The following FCHO2 variants were observed in gnomAD, a reference collection of about 807,000 sequenced individuals.
The protein encoded by FCHO2 is FCH and mu domain containing endocytic adaptor 2.
A neutral mutation model predicts 114.1 loss-of-function variants in FCHO2; 43 were observed. The observed-to-expected ratio is 0.38, with a 90% confidence interval of 0.30 to 0.49. FCHO2 has a LOEUF of 0.49. Among genes scored for constraint, FCHO2 ranks in the 20% least tolerant of loss-of-function variants. The probability of loss-of-function intolerance (pLI) is 0.97; values close to 1 mark genes in which losing one functional copy is unlikely to be tolerated. For synonymous variants in FCHO2, 293 were observed against 315.2 expected, an observed-to-expected ratio of 0.93 and a Z score of 0.75; for missense variants, 807 against 950.4, an observed-to-expected ratio of 0.85 and a Z score of 1.98.
intron 8 of FCHO2, chr5:73,020,662 T>A: frequency 9.5e-7 from 1 of 1,053,524 alleles, no homozygotes; most frequent in Non-Finnish European, 1.5e-6. Flanking sequence ...AGTTATTAAA[T>A]ACTAGACCGC....
intron 7 of FCHO2, among the ~76,000 whole-genome samples, chr5:73,016,265 A>C (rs1755303686): frequency 1.3e-5 from 2 of 152,020 alleles, no homozygotes; most frequent in African/African-American, 4.8e-5. Context: ...CCTGGGCAAC[A>C]TAGGGAGACC....
At chr5:73,000,830 A>G (rs1186426682) in intron 5 of FCHO2, among the ~76,000 whole-genome samples, 1 of 151,944 alleles carries the variant, frequency 6.6e-6, no homozygotes, top group African/African-American at 2.4e-5. Flanking sequence ...CTGGTCTCAA[A>G]TTCCTAGTCT....
In FCHO2 at chr5:73,034,690, G is replaced by A. The variant is rs200528741; in HGVS notation, c.830G>A (p.Ser277Asn). ...GAATTTGAAGAATGTGACACTGCTA[G>A]TGCAGTTGAAGGTAAGTTGATTAGT... is the stretch of plus-strand genomic sequence containing the variant. ...LIEFEECDTA[S>N]AVEGIKPRKR... The change falls in exon 9 of 26, where the codon AGT (serine) becomes AAT (asparagine). Residue 277 changes from serine (S) to asparagine (N), a missense_variant. Ser to Asn is a conservative substitution (Grantham distance 46, BLOSUM62 1). Coordinates refer to ENST00000430046, the MANE Select transcript of FCHO2 (RefSeq NM_138782.3). 6.3e-7 allele frequency: 1 copy of A among 1,594,932 alleles called. No homozygotes were observed. Among genetic ancestry groups the A allele is most frequent in the African/African-American group, 1.4e-5 (1 of 74,062 alleles).
At chr5:73,004,005 A>G (rs1161964600) in intron 5 of FCHO2, among the ~76,000 whole-genome samples, 1 of 139,882 alleles carries the variant, frequency 7.1e-6, no homozygotes. Flanking sequence ...CCAAGATTGC[A>G]CCATTGCACT....
rs867017113 is a variant in FCHO2, at chr5:72,996,844, G to T, written c.495+5980G>T. ...TGCCGTTCCCCCTCCCGGCAACGGG[G>T]GGCTGGCGGAGCTGTGCCACGGGGG... On this transcript the variant is annotated intron_variant, in intron 5 of 25. Coordinates refer to ENST00000430046, the MANE Select transcript of FCHO2 (RefSeq NM_138782.3). The T allele has an allele frequency of 6.0e-5, 60 of 1,004,814 alleles. No homozygotes were observed. In the African/African-American group the frequency reaches 6.9e-4, roughly 12 times the overall value. 62.2% of individuals were successfully genotyped at this position (1,004,814 alleles called of 1,614,324 possible).
intron 8 of FCHO2, among the ~76,000 whole-genome samples, chr5:73,019,441 C>T (rs1181924639): frequency 1.3e-5 from 2 of 152,066 alleles, no homozygotes; most frequent in African/African-American, 4.8e-5. Context: ...ACTTGGGAGG[C>T]TGAGGCGGGA....
In FCHO2 at chr5:72,968,483, CTTTTTAAATT is replaced by C; in HGVS notation, c.34-12_34-3del. The C allele has an allele frequency of 6.8e-7, 1 of 1,477,264 alleles. No individual in the cohort carries two copies. The highest frequency in any genetic ancestry group is 9.0e-7 in the Non-Finnish European group (1 of 1,116,288). The allele number at this position is 1,477,264 out of a possible 1,614,324, so 91.5% of individuals were successfully genotyped here. ...TCTGTTTTTTTATGAAACTAAAAAT[CTTTTTAAATT>C]TTAGGGGGAAAAAAATAGTGGCTTT... On this transcript the variant is annotated splice_polypyrimidine_tract_variant and splice_region_variant and intron_variant, in intron 1 of 25. Coordinates refer to ENST00000430046, the MANE Select transcript of FCHO2 (RefSeq NM_138782.3).
chr5:72,970,283 A>G (rs1752449799), intron 2 of FCHO2, among the ~76,000 whole-genome samples: 1 of 152,250 alleles, frequency 6.6e-6, no homozygotes, highest in African/African-American at 2.4e-5. Context: ...ACAGGAGAAC[A>G]TAGAAACAAT....
intron 8 of FCHO2, among the ~76,000 whole-genome samples, chr5:73,020,212 GA>G (rs747485621): frequency 7.2e-5 from 11 of 152,200 alleles, no homozygotes; most frequent in Non-Finnish European, 1.3e-4. Flanking sequence ...GAGGCTTACT[GA>G]AAAGCAGAAA....
intron 19 of FCHO2, among the ~76,000 whole-genome samples, 178 bp from the exon 20 acceptor site, chr5:73,074,564 T>G (rs1007315441): frequency 2.0e-5 from 3 of 152,100 alleles, no homozygotes; most frequent in Non-Finnish European, 4.4e-5. Context: ...TTTTGTCCTT[T>G]GTATTAATGC....
chr5:73,077,370 T>A lies in FCHO2; in HGVS notation c.1724T>A (p.Met575Lys), dbSNP rs1275849185. 2 of 1,584,986 alleles carry A rather than the reference T, an allele frequency of 1.3e-6. No individual in the cohort carries two copies. The highest frequency in any genetic ancestry group is 1.7e-6 in the Non-Finnish European group (2 of 1,164,070). Residue 575 changes from methionine to lysine, a missense_variant, in exon 21 of 26, where the codon ATG becomes AAG. By Grantham distance (95) the Met-to-Lys change is moderately conservative. Transcript: ENST00000430046. ...GTGAAGATCACTGGTGATATGACAATGTCATTTCCAAGTGGAATTATTAAA... is the reference window on the plus strand; with the variant it reads ...GTGAAGATCACTGGTGATATGACAAAGTCATTTCCAAGTGGAATTATTAAA... ...CIVKITGDMT[M>K]SFPSGIIKVF...
chr5:72,996,940 G>T, intron 5 of FCHO2: 1 of 1,604,442 alleles, frequency 6.2e-7, no homozygotes, highest in South Asian at 1.1e-5. Flanking sequence ...CGCAGTGTCT[G>T]CTGGGGCTGC....
intron 20 of FCHO2, among the ~76,000 whole-genome samples, chr5:73,076,342 CA>C (rs773216351): frequency 4.6e-5 from 7 of 152,020 alleles, no homozygotes; most frequent in Non-Finnish European, 5.9e-5. Context: ...GCAGTTATTT[CA>C]GGATGTTTTG....
At chr5:73,044,923 T>C (rs1756983798) in intron 11 of FCHO2, among the ~76,000 whole-genome samples, 1 of 152,162 alleles carries the variant, frequency 6.6e-6, no homozygotes, top group South Asian at 2.1e-4. Context: ...AATATAGAAA[T>C]CATGGATTGA....
intron 19 of FCHO2, 45 bp from the exon 20 acceptor site, chr5:73,074,697 T>G: frequency 6.5e-7 from 1 of 1,528,126 alleles, no homozygotes; most frequent in South Asian, 1.2e-5. Flanking sequence ...ATATTTAATT[T>G]ATGTCTTTCT....
Position 73,082,791 on chromosome 5 carries a change from A to G in FCHO2, c.2211A>G (p.Lys737=), listed in dbSNP as rs762846981. Residue 737 remains lysine (K), a synonymous_variant, in exon 24 of 26, where the codon AAA becomes AAG. Transcript: ENST00000430046. Reference sequence around the variant, plus strand: ...CAGAACAAATGAAAGCCTTTTGGAAATTGTCTAGTATTTCAGAAAAATCAG... The same window carrying G: ...CAGAACAAATGAAAGCCTTTTGGAAGTTGTCTAGTATTTCAGAAAAATCAG... ...WNAEQMKAFW[K]LSSISEKSEN... 6.2e-7 allele frequency: 1 copy of G among 1,606,962 alleles called. No individual in the cohort carries two copies. The highest frequency in any genetic ancestry group is 2.2e-5 in the East Asian group (1 of 44,674).
chr5:72,957,030 A>G (rs1192186369), intron 1 of FCHO2, among the ~76,000 whole-genome samples: 1 of 152,000 alleles, frequency 6.6e-6, no homozygotes, highest in Non-Finnish European at 1.5e-5. Flanking sequence ...GTTGAGATTT[A>G]GACATATTTA....
chr5:73,054,586 T>C, intron 15 of FCHO2, 37 bp downstream of exon 15: 3 of 1,458,232 alleles, frequency 2.1e-6, no homozygotes, highest in Non-Finnish European at 2.8e-6. Flanking sequence ...TTTATGTCTA[T>C]TAAAATTTAT....
intron 2 of FCHO2, among the ~76,000 whole-genome samples, chr5:72,978,240 G>A (rs1039046859): frequency 6.6e-6 from 1 of 152,186 alleles, no homozygotes; most frequent in Admixed American, 6.5e-5. Context: ...CTATGCATGA[G>A]CATGGAATGT....
Sources: allele counts gnomAD v4.1 joint callset (sites outside exome capture counted in the v4.1 genomes callset), GRCh38; gene constraint gnomAD v4.1.1; transcripts MANE v1.5; gene names NCBI Gene and HGNC (gene_info 2026-07-23, HGNC 2026-07-21).